Variants in SRC observed in about 807,000 individuals in gnomAD.
The protein encoded by SRC is SRC proto-oncogene, non-receptor tyrosine kinase.
SRC carries 13 observed loss-of-function variants against 62.9 expected under a neutral mutation model. The ratio of observed to expected loss-of-function variants is 0.21; its 90% confidence interval spans 0.13 to 0.33. SRC has a LOEUF of 0.33. Ranked by LOEUF, SRC falls within the 10% of genes least tolerant of loss-of-function variation. The pLI is 1.00. For missense variants in SRC, 457 were observed against 737.3 expected (o/e 0.62, Z 4.40); for synonymous variants, 302 against 317.5 (o/e 0.95, Z 0.52).
At chr20:37,354,014 A>G (rs527313689) in intron 1 of SRC, among the ~76,000 whole-genome samples, 1 of 152,334 alleles carries the variant, frequency 6.6e-6, no homozygotes, top group Admixed American at 6.5e-5. Context: ...GCCCTCAGCA[A>G]TGCCAGCACA....
intron 5 of SRC, among the ~76,000 whole-genome samples, chr20:37,387,601 G>A (rs1213719219): frequency 6.6e-6 from 1 of 152,234 alleles, no homozygotes; most frequent in East Asian, 1.9e-4. Flanking sequence ...CCCTTGCATG[G>A]CCGAGTCCTG....
rs140920127 is a variant in SRC at position 37,363,359 on chromosome 20, G to T, written c.-246-1845G>T. The stretch of plus-strand genomic sequence containing the variant: ...CCGGAACACACTCTGGCCAGACCTC[G>T]CTCTGAACAAGGCCCTGCCCACCTG... On this transcript the variant is annotated intron_variant, in intron 1 of 13. Coordinates refer to ENST00000373578, the MANE Select transcript of SRC (RefSeq NM_198291.3). 7.9e-5 allele frequency among the ~76,000 whole-genome samples: 12 copies of T among 152,300 alleles called. No homozygotes were observed. In the East Asian group the frequency reaches 2.3e-3, roughly 29 times the overall value.
At chr20:37,383,703 G>C (rs375063147) in intron 3 of SRC, 7 of 166,690 alleles carry the variant, frequency 4.2e-5, no homozygotes, top group African/African-American at 1.7e-4. Context: ...TCCCAAAAAG[G>C]CTGGTGCCCC....
rs186211090 is a variant in SRC, at chr20:37,403,887, C to T, written c.*508C>T. On this transcript the variant is annotated 3_prime_UTR_variant, in exon 14 of 14. Coordinates refer to ENST00000373578, the MANE Select transcript of SRC (RefSeq NM_198291.3). This position sits in a 1 kb window ranked among gnomAD's most constrained non-coding sequence, Gnocchi z 7.1. ...GGAAACACCTGTAGGCAGAGGCTGC[C>T]GAGACAGACCCTCTGCCGCTGCTTC... 2.3e-3 allele frequency: 574 copies of T among 244,480 alleles called. 3 individuals are homozygous for T. Among genetic ancestry groups the T allele is most frequent in the Middle Eastern group, 0.012 (10 of 806 alleles). 15.1% of individuals were successfully genotyped at this position (244,480 alleles called of 1,614,324 possible). A position where few individuals can be genotyped will look rare whatever the true frequency, so the allele number is the denominator to read the frequency against.
Position 37,403,729 on chromosome 20 carries a change from G to T in SRC, c.*350G>T. The T allele has an allele frequency of 2.8e-6, 1 of 351,072 alleles. No homozygotes were observed. The highest frequency in any genetic ancestry group is 5.3e-6 in the Non-Finnish European group (1 of 188,168). The allele number at this position is 351,072 out of a possible 1,614,324, so 21.7% of individuals were successfully genotyped here. On this transcript the variant is annotated 3_prime_UTR_variant, in exon 14 of 14. Coordinates refer to ENST00000373578, the MANE Select transcript of SRC (RefSeq NM_198291.3). This position sits in a 1 kb window ranked among gnomAD's most constrained non-coding sequence, Gnocchi z 7.1. ...CCCTTTTCCAGCCTCAGCCTACTCC[G>T]CTCACTGAACTCCTTCCCCACTTCT...
At chr20:37,386,297 A>G in intron 5 of SRC, 123 bp downstream of exon 5, 1 of 997,056 alleles carries the variant, frequency 1.0e-6, no homozygotes, top group Non-Finnish European at 1.6e-6. Context: ...TGCGAAGCCC[A>G]GGGCAGTGTG....
At chr20:37,348,564 C>T (rs759033045) in intron 1 of SRC, among the ~76,000 whole-genome samples, 1 of 152,050 alleles carries the variant, frequency 6.6e-6, no homozygotes, top group Non-Finnish European at 1.5e-5. Context: ...GGTGGCAGGG[C>T]CTGAGCTGAG....
At chr20:37,357,824 G>A (rs914810761) in intron 1 of SRC, among the ~76,000 whole-genome samples, 1 of 152,262 alleles carries the variant, frequency 6.6e-6, no homozygotes, top group Non-Finnish European at 1.5e-5. Flanking sequence ...AGGAGGCAAG[G>A]GAGTGAGGGT....
chr20:37,347,655 C>T (rs2069742504), intron 1 of SRC, among the ~76,000 whole-genome samples: 2 of 152,178 alleles, frequency 1.3e-5, no homozygotes, highest in South Asian at 4.1e-4. Flanking sequence ...ATTCACTTTT[C>T]CCTTCTGGCC....
chr20:37,361,830 GA>G (rs2069976591), intron 1 of SRC, among the ~76,000 whole-genome samples: 2 of 36,180 alleles, frequency 5.5e-5, no homozygotes, highest in African/African-American at 6.9e-4. Context: ...TGTGCAGGTA[GA>G]GATGTAGAGA....
In SRC at chr20:37,396,444, C is replaced by T. The variant is rs1185157231; in HGVS notation, c.703+133C>T. ...TCTCCCCACTTCCCCCTCCCCCCTC[C>T]CTTCCTCTCTCCTCCCTTTTCCCTC... is the stretch of plus-strand genomic sequence containing the variant. On this transcript the variant is annotated intron_variant, in intron 8 of 13. Transcript: ENST00000373578. This position sits in a 1 kb window ranked among gnomAD's most constrained non-coding sequence, Gnocchi z 6.1. The T allele has an allele frequency of 9.6e-7, 1 of 1,045,386 alleles. No individual in the cohort carries two copies. The highest frequency in any genetic ancestry group is 1.6e-5 in the African/African-American group (1 of 62,294). 64.8% of individuals were successfully genotyped at this position (1,045,386 alleles called of 1,614,324 possible). A position where few individuals can be genotyped will look rare whatever the true frequency, so the allele number is the denominator to read the frequency against.
intron 1 of SRC, among the ~76,000 whole-genome samples, chr20:37,363,639 GA>G (rs2070013016): frequency 6.6e-6 from 1 of 152,208 alleles, no homozygotes; most frequent in Non-Finnish European, 1.5e-5. Flanking sequence ...GGGAGGATGT[GA>G]AGGGGAGAAG....
rs200505731 is a variant in SRC, at chr20:37,402,819, C to T, written c.1341C>T (p.Asp447=). 1.9e-5 allele frequency: 30 copies of T among 1,613,952 alleles called. No homozygotes were observed. Among genetic ancestry groups the T allele is most frequent in the Admixed American group, 6.7e-5 (4 of 59,988 alleles). ...ATGGCCGCTTCACCATCAAGTCGGA[C>T]GTGTGGTCCTTCGGGATCCTGCTGA... ...ALYGRFTIKS[D]VWSFGILLTE... Residue 447 remains aspartate (D), a synonymous_variant, in exon 13 of 14, where the codon GAC becomes GAT. Coordinates refer to ENST00000373578, the MANE Select transcript of SRC (RefSeq NM_198291.3). This position sits in a 1 kb window ranked among gnomAD's most constrained non-coding sequence, Gnocchi z 6.2.
At chr20:37,350,847 A>G (rs1284319354) in intron 1 of SRC, among the ~76,000 whole-genome samples, 1 of 151,762 alleles carries the variant, frequency 6.6e-6, no homozygotes, top group Non-Finnish European at 1.5e-5. Context: ...GCTGTGATAG[A>G]TTAGTCATGT....
intron 1 of SRC, among the ~76,000 whole-genome samples, chr20:37,359,848 G>T (rs530405246): frequency 2.0e-5 from 3 of 152,130 alleles, no homozygotes; most frequent in Non-Finnish European, 4.4e-5. Context: ...TAGTCTAGGG[G>T]GTGGCGGTTC....
intron 1 of SRC, among the ~76,000 whole-genome samples, chr20:37,362,743 G>T (rs769331297): frequency 4.0e-5 from 6 of 148,572 alleles, no homozygotes; most frequent in Non-Finnish European, 9.0e-5. Context: ...GGGTGGGGGG[G>T]TCTGCGAAGC....
Position 37,397,921 on chromosome 20 carries a change from C to T in SRC, c.859+67C>T. On this transcript the variant is annotated intron_variant, in intron 9 of 13. Transcript: ENST00000373578. This position sits in a 1 kb window ranked among gnomAD's most constrained non-coding sequence, Gnocchi z 4.1. ...CACCCCGTGTGGCAGCTCCGGGCTC[C>T]CTTGGTCCCTTTGCCTTTAGCTGCC... The T allele has an allele frequency of 2.0e-6, 3 of 1,513,848 alleles. No homozygotes were observed. In the Admixed American group the frequency reaches 6.3e-5, roughly 32 times the overall value. 93.8% of individuals were successfully genotyped at this position (1,513,848 alleles called of 1,614,324 possible). A position where few individuals can be genotyped will look rare whatever the true frequency, so the allele number is the denominator to read the frequency against.
intron 1 of SRC, among the ~76,000 whole-genome samples, chr20:37,350,063 C>T (rs1490627203): frequency 6.6e-6 from 1 of 152,210 alleles, no homozygotes; most frequent in Admixed American, 6.5e-5. Context: ...GGGCCTTTTG[C>T]CGGAGCTTCA....
At chr20:37,400,023 C>T (rs2070714589) in intron 9 of SRC, 92 bp from the exon 10 acceptor site, 3 of 1,335,520 alleles carry the variant, frequency 2.2e-6, no homozygotes, top group Non-Finnish European at 3.0e-6. Flanking sequence ...GAGGCCACAG[C>T]TGACACTGGC....
Sources: gnomAD v4.1 joint callset for allele counts (sites outside exome capture counted in the v4.1 genomes callset) on GRCh38, gnomAD v4.1.1 for gene constraint, Gnocchi (gnomAD v3.1) non-coding constraint, MANE v1.5 for transcripts, NCBI Gene and HGNC (gene_info 2026-07-23, HGNC 2026-07-21) for gene names.